Variants in ENOX1 observed in about 807,000 individuals in gnomAD.
ENOX1 encodes candidate growth-related and time keeping constitutive hydroquinone (NADH) oxidase.
In ENOX1, 42 loss-of-function variants were observed where a neutral mutation model predicts 82.5. The observed-to-expected ratio is 0.51, with a 90% CI of 0.40 to 0.66. The LOEUF (loss-of-function observed/expected upper bound fraction) is 0.66. Among genes scored for constraint, ENOX1 ranks in the 30% least tolerant of loss-of-function variants. The pLI is 0.00. For synonymous variants in ENOX1, 271 were observed against 282.2 expected (o/e 0.96, Z 0.40); for missense variants, 608 against 811.6 (o/e 0.75, Z 3.05).
chr13:43,467,786 T>G (rs1287119960), intron 3 of ENOX1, among the ~76,000 whole-genome samples: 1 of 152,218 alleles, frequency 6.6e-6, no homozygotes, highest in Non-Finnish European at 1.5e-5. Flanking sequence ...AATTTCATAG[T>G]TTTAGCTTTT....
intron 2 of ENOX1, among the ~76,000 whole-genome samples, chr13:43,641,112 T>C (rs374807221): frequency 2.0e-5 from 3 of 152,162 alleles, no homozygotes; most frequent in East Asian, 1.9e-4. Context: ...TAAATAAATA[T>C]ACATCAAATA....
At chr13:43,242,508 C>G (rs1344954956) in intron 14 of ENOX1, among the ~76,000 whole-genome samples, 1 of 152,248 alleles carries the variant, frequency 6.6e-6, no homozygotes, top group Non-Finnish European at 1.5e-5. Context: ...CTGGGCTTGT[C>G]TGCCTGAATT....
At chr13:43,379,024 A>G (rs1355782723) in intron 5 of ENOX1, among the ~76,000 whole-genome samples, 1 of 152,174 alleles carries the variant, frequency 6.6e-6, no homozygotes, top group African/African-American at 2.4e-5. Flanking sequence ...CTCCATTACC[A>G]GTTTTGAAGA....
intron 2 of ENOX1, among the ~76,000 whole-genome samples, chr13:43,656,171 G>C (rs1419168866): frequency 6.6e-6 from 1 of 152,092 alleles, no homozygotes; most frequent in East Asian, 1.9e-4. Context: ...GTTACATATA[G>C]TTATGGATAT....
At chr13:43,295,585 C>CT (rs1566445651) in intron 12 of ENOX1, among the ~76,000 whole-genome samples, 1 of 152,106 alleles carries the variant, frequency 6.6e-6, no homozygotes, top group Non-Finnish European at 1.5e-5. Flanking sequence ...AAGGCTCTTT[C>CT]TTTTTTTGTT....
intron 2 of ENOX1, among the ~76,000 whole-genome samples, chr13:43,633,218 T>C (rs190345537): frequency 6.6e-6 from 1 of 152,310 alleles, no homozygotes; most frequent in African/African-American, 2.4e-5. Flanking sequence ...ATCAAATAAG[T>C]AAAACATTTT....
intron 1 of ENOX1, among the ~76,000 whole-genome samples, chr13:43,721,724 A>G (rs1326338884): frequency 6.6e-6 from 1 of 151,968 alleles, no homozygotes; most frequent in Admixed American, 6.6e-5. Flanking sequence ...TTTTTGCACA[A>G]GGGGCCCCAC....
chr13:43,517,358 C>T (rs563907648), intron 2 of ENOX1, among the ~76,000 whole-genome samples: 1 of 152,040 alleles, frequency 6.6e-6, no homozygotes, highest in African/African-American at 2.4e-5. Flanking sequence ...ATTAGCTGGG[C>T]GTGGTGGTAG....
At chr13:43,472,999 T>G (rs1320229144) in intron 3 of ENOX1, among the ~76,000 whole-genome samples, 1 of 152,222 alleles carries the variant, frequency 6.6e-6, no homozygotes, top group Non-Finnish European at 1.5e-5. Flanking sequence ...TAGAATTTCT[T>G]AAGTGGGTTA....
At chr13:43,367,163 C>G (rs144924104) in intron 5 of ENOX1, among the ~76,000 whole-genome samples, 1 of 152,226 alleles carries the variant, frequency 6.6e-6, no homozygotes, top group East Asian at 1.9e-4. Context: ...GCAGAAAATA[C>G]CAATACAGTA....
chr13:43,486,135 G>C (rs562660962), intron 2 of ENOX1, among the ~76,000 whole-genome samples: 1 of 152,164 alleles, frequency 6.6e-6, no homozygotes, highest in Non-Finnish European at 1.5e-5. Context: ...GTGTGAACCC[G>C]GGAGGCAGAG....
In ENOX1 at chr13:43,225,184, A is replaced by T. The variant is rs569741785; in HGVS notation, c.1715-1046T>A. On this transcript the variant is annotated intron_variant, in intron 15 of 16. Coordinates refer to ENST00000690772, the MANE Select transcript of ENOX1 (RefSeq NM_001347969.2). Reference sequence around the variant, plus strand: ...ATGCAGAAATAAAACCAAATATTGCATGTTCTTATAAGTGGGAGCTTAACA... The same window carrying T: ...ATGCAGAAATAAAACCAAATATTGCTTGTTCTTATAAGTGGGAGCTTAACA... 3.3e-5 allele frequency among the ~76,000 whole-genome samples: 5 copies of T among 152,356 alleles called. No homozygotes were observed. The East Asian group carries it at 7.7e-4, about 23-fold the overall frequency.
intron 2 of ENOX1, among the ~76,000 whole-genome samples, chr13:43,619,028 A>G (rs2082609720): frequency 9.3e-6 from 1 of 107,294 alleles, no homozygotes; most frequent in Non-Finnish European, 1.9e-5. Flanking sequence ...TGAGTTCTTG[A>G]TTTGATTTTC....
At chr13:43,232,867 A>G (rs2042350839) in intron 15 of ENOX1, among the ~76,000 whole-genome samples, 1 of 152,232 alleles carries the variant, frequency 6.6e-6, no homozygotes, top group African/African-American at 2.4e-5. Context: ...TGGAATTATT[A>G]TAAAAAGCAA....
chr13:43,681,343 C>G (rs2153797743), intron 1 of ENOX1, among the ~76,000 whole-genome samples: 1 of 152,222 alleles, frequency 6.6e-6, no homozygotes, highest in East Asian at 1.9e-4. Flanking sequence ...TTGTATAGCT[C>G]TATAATGGCA....
chr13:43,646,149 C>T (rs2153772670), intron 2 of ENOX1, among the ~76,000 whole-genome samples: 1 of 152,320 alleles, frequency 6.6e-6, no homozygotes, highest in East Asian at 1.9e-4. Flanking sequence ...AGGTTCCCCT[C>T]AAGCTCTACA....
At position 43,710,494 on chromosome 13, in the gene ENOX1, G is replaced by A. The variant is rs183800438; in HGVS notation, c.-284-42950C>T. 3.5e-4 allele frequency among the ~76,000 whole-genome samples: 53 copies of A among 152,216 alleles called. 1 individual carries two copies. The highest frequency in any genetic ancestry group is 9.6e-4 in the African/African-American group (40 of 41,546). ...GGTTATATAGCAAAATGTACAGCAA[G>A]CACTCAATTAATTGAAAAACTTTAG... On this transcript the variant is annotated intron_variant, in intron 1 of 16. Transcript: ENST00000690772.
intron 12 of ENOX1, among the ~76,000 whole-genome samples, chr13:43,297,112 C>CTT (rs1328471409): frequency 1.3e-5 from 2 of 152,204 alleles, no homozygotes; most frequent in Non-Finnish European, 2.9e-5. Context: ...AGTTAGGACT[C>CTT]TAAGCCAAGA....
At chr13:43,239,880 T>C (rs2153461049) in intron 14 of ENOX1, among the ~76,000 whole-genome samples, 1 of 152,358 alleles carries the variant, frequency 6.6e-6, no homozygotes, top group Admixed American at 6.5e-5. Context: ...TAATCATGGG[T>C]TCCTTAGAAA....
Sources: allele counts gnomAD v4.1 joint callset (sites outside exome capture counted in the v4.1 genomes callset), GRCh38; gene constraint gnomAD v4.1.1; transcripts MANE v1.5; gene names NCBI Gene and HGNC (gene_info 2026-07-23, HGNC 2026-07-21).